ATRN: variants seen among roughly 807,000 people sequenced by gnomAD.
ATRN encodes the protein attractin-2.
In ATRN, 54 loss-of-function variants were observed where a neutral mutation model predicts 178.7. That is an observed-to-expected ratio of 0.30 (90% CI 0.24 to 0.38). The LOEUF (loss-of-function observed/expected upper bound fraction) is 0.38, where lower values mean the gene tolerates loss of function less well. Ranked by LOEUF, ATRN falls within the 10% of genes least tolerant of loss-of-function variation. ATRN has a pLI of 1.00. For missense variants in ATRN, 1,443 were observed against 1,815.1 expected, an observed-to-expected ratio of 0.79 and a Z score of 3.73; for synonymous variants, 636 against 663.0, an observed-to-expected ratio of 0.96 and a Z score of 0.63.
chr20:3,617,229 G>C (rs1341688029), intron 24 of ATRN, among the ~76,000 whole-genome samples: 3 of 152,146 alleles, frequency 2.0e-5, no homozygotes, highest in African/African-American at 7.2e-5. Flanking sequence ...TTGGATTGTT[G>C]TTGGTTAGAA....
chr20:3,579,635 AG>A (rs1793213947), intron 15 of ATRN, among the ~76,000 whole-genome samples: 2 of 152,184 alleles, frequency 1.3e-5, no homozygotes, highest in South Asian at 4.1e-4. Context: ...CAGTGCTCTC[AG>A]GGGGCTTATA....
chr20:3,571,310 T>G (rs949294742), intron 11 of ATRN, among the ~76,000 whole-genome samples: 1 of 152,226 alleles, frequency 6.6e-6, no homozygotes, highest in Non-Finnish European at 1.5e-5. Flanking sequence ...CACAAAAAAA[T>G]TTGCCCTCTG....
intron 25 of ATRN, among the ~76,000 whole-genome samples, chr20:3,625,765 C>T (rs530354072): frequency 2.6e-5 from 4 of 152,210 alleles, no homozygotes; most frequent in Non-Finnish European, 5.9e-5. Flanking sequence ...ACTTCCTTTG[C>T]CTTCCTCCTA....
chr20:3,525,515 A>G (rs1316427515), intron 1 of ATRN, among the ~76,000 whole-genome samples: 2 of 152,202 alleles, frequency 1.3e-5, no homozygotes, highest in Non-Finnish European at 2.9e-5. Flanking sequence ...ATTCCAAACG[A>G]CAGAAAAAGA....
intron 1 of ATRN, among the ~76,000 whole-genome samples, chr20:3,494,790 A>G (rs1041393202): frequency 6.6e-6 from 1 of 152,186 alleles, no homozygotes; most frequent in Non-Finnish European, 1.5e-5. Context: ...AGATGAAGCC[A>G]CGGATGCAGA....
At position 3,649,781 on chromosome 20, in the gene ATRN, T is replaced by C. The variant is rs1045725236; in HGVS notation, c.*2934T>C. 6.6e-6 allele frequency: 1 copy of C among 152,080 alleles called. No homozygotes were observed. The highest frequency in any genetic ancestry group is 2.1e-4 in the South Asian group (1 of 4,832). 9.4% of individuals were successfully genotyped at this position (152,080 alleles called of 1,614,324 possible). A position where few individuals can be genotyped will look rare whatever the true frequency, so the allele number is the denominator to read the frequency against. On this transcript the variant is annotated 3_prime_UTR_variant, in exon 29 of 29. Coordinates refer to ENST00000262919, the MANE Select transcript of ATRN (RefSeq NM_139321.3). ...AGACTAACCTGTAGCAATCAGACTTTCCAAAAGGGGGTTCTCCATTTTTTG... is the reference window on the plus strand; with the variant it reads ...AGACTAACCTGTAGCAATCAGACTTCCCAAAAGGGGGTTCTCCATTTTTTG...
chr20:3,517,827 T>G (rs2085226623), intron 1 of ATRN, among the ~76,000 whole-genome samples: 1 of 152,118 alleles, frequency 6.6e-6, no homozygotes, highest in African/African-American at 2.4e-5. Flanking sequence ...TTAGTCTGCT[T>G]TCTTTCACAG....
chr20:3,583,995 C>T lies in ATRN; in HGVS notation c.2862C>T (p.Asn954=), dbSNP rs765917577. 6.2e-7 allele frequency: 1 copy of T among 1,614,168 alleles called. No homozygotes were observed. The highest frequency in any genetic ancestry group is 8.5e-7 in the Non-Finnish European group (1 of 1,180,028). The change falls in exon 17 of 29, where the codon AAC becomes AAT. Residue 954 remains asparagine, a synonymous_variant. Coordinates refer to ENST00000262919, the MANE Select transcript of ATRN (RefSeq NM_139321.3). ...GCTCTGAGTGCATGTGGTGCAGCAA[C>T]ATGAAGCAGTGTGTGGACTCCAATG... ...SGSSECMWCS[N]MKQCVDSNAY... is the part of the protein sequence containing the mutation.
At chr20:3,575,707 C>A in intron 12 of ATRN, 120 bp from the exon 13 acceptor site, 1 of 1,101,880 alleles carries the variant, frequency 9.1e-7, no homozygotes, top group Non-Finnish European at 1.3e-6. Context: ...ATATATTTTC[C>A]TGCCAGTTTC....
In ATRN at chr20:3,504,587, C is replaced by T. The variant is rs145047707; in HGVS notation, c.411-30666C>T. Among the ~76,000 whole-genome samples the T allele has an allele frequency of 7.6e-4, 114 of 149,462 alleles. 1 individual carries two copies. Among genetic ancestry groups the T allele is most frequent in the African/African-American group, 2.5e-3 (102 of 40,754 alleles). On this transcript the variant is annotated intron_variant, in intron 1 of 28. Transcript: ENST00000262919. ...GTAACCCCAGCCACTTGGGAGACTG[C>T]GGCAGGAGAATCGCTTGAAGCTGGG...
chr20:3,589,382 T>C (rs1362701474), intron 18 of ATRN, among the ~76,000 whole-genome samples: 2 of 152,136 alleles, frequency 1.3e-5, no homozygotes, highest in Non-Finnish European at 2.9e-5. Context: ...TTCTGTCTAA[T>C]TTGGTTTTAT....
intron 18 of ATRN, among the ~76,000 whole-genome samples, chr20:3,589,336 A>G (rs552410598): frequency 6.6e-6 from 1 of 151,738 alleles, no homozygotes. Context: ...CTTTAGCAAT[A>G]TGTAGTCTCC....
intron 1 of ATRN, among the ~76,000 whole-genome samples, chr20:3,519,142 T>C (rs2085251565): frequency 6.6e-6 from 1 of 151,908 alleles, no homozygotes; most frequent in South Asian, 2.1e-4. Context: ...AGATGGGACA[T>C]AGCACCCATT....
intron 27 of ATRN, 145 bp downstream of exon 27, chr20:3,639,080 G>A: frequency 1.7e-6 from 1 of 581,744 alleles, no homozygotes; most frequent in Non-Finnish European, 2.9e-6. Context: ...AAAACCTGAA[G>A]TTGCTGGGTA....
intron 23 of ATRN, among the ~76,000 whole-genome samples, chr20:3,601,782 T>G (rs1196680511): frequency 1.3e-5 from 2 of 150,114 alleles, no homozygotes; most frequent in Non-Finnish European, 3.0e-5. Flanking sequence ...GAGGATCACT[T>G]GAGCCCAGGG....
rs537831072 is a variant in ATRN, at chr20:3,565,181, G to A, written c.1787-167G>A. Among the ~76,000 whole-genome samples, 5 of 152,218 alleles carry A rather than the reference G, an allele frequency of 3.3e-5. No individual in the cohort carries two copies. The South Asian group carries it at 1.0e-3, about 32-fold the overall frequency. On this transcript the variant is annotated intron_variant, in intron 10 of 28. Transcript: ENST00000262919. ...TCCCGCCTTTCTTCCATGCCCTGTT[G>A]CTCTGCTGCTGCTTCATTTTAACCC...
At chr20:3,538,503 C>G (rs1374755585) in intron 2 of ATRN, among the ~76,000 whole-genome samples, 1 of 152,170 alleles carries the variant, frequency 6.6e-6, no homozygotes, top group Non-Finnish European at 1.5e-5. Context: ...CTAAGGAGCT[C>G]TGCTGTGTCC....
intron 1 of ATRN, among the ~76,000 whole-genome samples, chr20:3,531,296 G>A (rs1285621394): frequency 1.3e-5 from 2 of 152,216 alleles, no homozygotes; most frequent in African/African-American, 4.8e-5. Flanking sequence ...TACATTGCTG[G>A]TGCAAATGTG....
chr20:3,486,562 T>TAA (rs1256570516), intron 1 of ATRN, among the ~76,000 whole-genome samples: 6 of 152,060 alleles, frequency 3.9e-5, no homozygotes, highest in Admixed American at 1.3e-4. Context: ...TGTGTGCCAC[T>TAA]TTTTTATTTT....
Sources: gnomAD v4.1 joint callset for allele counts (sites outside exome capture counted in the v4.1 genomes callset) on GRCh38, gnomAD v4.1.1 for gene constraint, MANE v1.5 for transcripts, NCBI Gene and HGNC (gene_info 2026-07-23, HGNC 2026-07-21) for gene names.